The following YME1L1 variants were observed in gnomAD, a reference collection of about 807,000 sequenced individuals.
YME1L1 encodes the protein YME1 like 1 ATPase, also known as ATP-dependent zinc metalloprotease YME1L1.
Under a neutral mutation model 90.4 loss-of-function variants are expected in YME1L1, and 39 were observed. The ratio of observed to expected loss-of-function variants is 0.43; its 90% CI spans 0.33 to 0.56. The LOEUF (loss-of-function observed/expected upper bound fraction) is 0.56, where lower values mean the gene tolerates loss of function less well. Among genes scored for constraint, YME1L1 ranks in the 20% least tolerant of loss-of-function variants. YME1L1 has a pLI of 0.03. For synonymous variants in YME1L1, 284 were observed against 287.3 expected (o/e 0.99, Z 0.12); for missense variants, 617 against 868.4 (o/e 0.71, Z 3.64).
intron 11 of YME1L1, 128 bp from the exon 12 acceptor site, chr10:27,121,576 G>A: frequency 3.0e-6 from 2 of 661,098 alleles, no homozygotes; most frequent in Non-Finnish European, 5.4e-6. Context: ...CTAGGCTGAA[G>A]CGCACCAGTA....
chr10:27,136,227 T>C (rs1163369947), intron 5 of YME1L1, 49 bp downstream of exon 5: 1 of 1,495,744 alleles, frequency 6.7e-7, no homozygotes, highest in South Asian at 1.1e-5. Context: ...CTCCTCACTC[T>C]AACAACTTGA....
chr10:27,115,021 C>T (rs149855613), intron 17 of YME1L1, among the ~76,000 whole-genome samples: 2,641 of 151,634 alleles, frequency 0.017, 141 homozygotes, highest in East Asian at 0.16. Flanking sequence ...AGCGAGACTC[C>T]GTCTCCAAAA....
At chr10:27,121,089 A>G (rs1442253223) in intron 12 of YME1L1, among the ~76,000 whole-genome samples, 1 of 152,234 alleles carries the variant, frequency 6.6e-6, no homozygotes, top group Non-Finnish European at 1.5e-5. Flanking sequence ...CACATAATTT[A>G]AAGTGGATAC....
intron 11 of YME1L1, among the ~76,000 whole-genome samples, chr10:27,122,433 A>T (rs1207745208): frequency 6.6e-6 from 1 of 152,222 alleles, no homozygotes; most frequent in African/African-American, 2.4e-5. Context: ...CTTGCTTCTT[A>T]TATTATGAAC....
At chr10:27,147,128 G>T in intron 2 of YME1L1, 2 of 466,900 alleles carry the variant, frequency 4.3e-6, no homozygotes, top group Non-Finnish European at 7.5e-6. Context: ...AAACTGTGAA[G>T]AGCCATGTTT....
intron 8 of YME1L1, 27 bp from the exon 9 acceptor site, chr10:27,126,813 CT>C: frequency 7.3e-7 from 1 of 1,372,604 alleles, no homozygotes; most frequent in Non-Finnish European, 1.0e-6. Context: ...TTCCAAATAA[CT>C]TTAGATAATG....
At chr10:27,137,023 C>CAAAA (rs35090363) in intron 4 of YME1L1, among the ~76,000 whole-genome samples, 7 of 136,400 alleles carry the variant, frequency 5.1e-5, no homozygotes, top group African/African-American at 1.7e-4. Context: ...ACTGTGATTT[C>CAAAA]AAAAAAAAAA....
rs543060073 is a variant in YME1L1, at chr10:27,153,940, C to A, written c.33+238G>T. Among the ~76,000 whole-genome samples, 22 of 127,126 alleles carry A rather than the reference C, an allele frequency of 1.7e-4. No homozygotes were observed. The East Asian group carries it at 7.4e-3, about 43-fold the overall frequency. The allele number at this position is 127,126 out of a possible 152,430, so 83.4% of individuals were successfully genotyped here. A position where few individuals can be genotyped will look rare whatever the true frequency, so the allele number is the denominator to read the frequency against. On this transcript the variant is annotated intron_variant, in intron 1 of 18. Coordinates refer to ENST00000376016, the MANE Select transcript of YME1L1 (RefSeq NM_014263.4). Reference sequence around the variant, plus strand: ...CGCAATCAGTTCGATAAGCCAGGGTCTCTCTCTATCACTGAGCTCACATCC... The same window carrying A: ...CGCAATCAGTTCGATAAGCCAGGGTATCTCTCTATCACTGAGCTCACATCC...
At position 27,141,889 on chromosome 10, in the gene YME1L1, A is replaced by C. The variant is rs190476493; in HGVS notation, c.430+498T>G. Among the ~76,000 whole-genome samples the C allele has an allele frequency of 1.7e-3, 254 of 152,296 alleles. 4 individuals carry two copies. The highest frequency in any genetic ancestry group is 5.9e-3 in the African/African-American group (244 of 41,562). ...TAGAAAACATGTCTTTTTCATTTACAGTGATCACTATCACCTGACATCTAT... is the reference window on the plus strand; with the variant it reads ...TAGAAAACATGTCTTTTTCATTTACCGTGATCACTATCACCTGACATCTAT... On this transcript the variant is annotated intron_variant, in intron 4 of 18. Transcript: ENST00000376016.
chr10:27,111,895 G>C lies in YME1L1; in HGVS notation c.*82C>G. ...AATTACACCACATCAAGAATGAGGG[G>C]AAAGCGTTGTAAAAGTAGACTACTG... On this transcript the variant is annotated 3_prime_UTR_variant, in exon 19 of 19. Coordinates refer to ENST00000376016, the MANE Select transcript of YME1L1 (RefSeq NM_014263.4). 1 of 1,512,274 alleles carries C rather than the reference G, an allele frequency of 6.6e-7. No homozygotes were observed. Among genetic ancestry groups the C allele is most frequent in the Non-Finnish European group, 9.2e-7 (1 of 1,091,560 alleles). 93.7% of individuals were successfully genotyped at this position (1,512,274 alleles called of 1,614,324 possible).
intron 8 of YME1L1, among the ~76,000 whole-genome samples, chr10:27,127,849 T>C (rs1016596757): frequency 4.6e-5 from 7 of 152,102 alleles, no homozygotes; most frequent in African/African-American, 1.7e-4. Context: ...TAAACTTCAA[T>C]GAAATTTATG....
chr10:27,149,603 T>G (rs866849439), intron 1 of YME1L1, among the ~76,000 whole-genome samples: 11 of 148,806 alleles, frequency 7.4e-5, no homozygotes, highest in Admixed American at 2.1e-4. Context: ...CTCAGCTACT[T>G]GGGAGGCTGT....
In YME1L1 at chr10:27,111,796, A is replaced by G. The variant is rs1253960594; in HGVS notation, c.*181T>C. On this transcript the variant is annotated 3_prime_UTR_variant, in exon 19 of 19. Coordinates refer to ENST00000376016, the MANE Select transcript of YME1L1 (RefSeq NM_014263.4). Reference sequence around the variant, plus strand: ...TATTTGCCATGGGATGCTAATTTGCAATAGGTGTCATAATGAGAATAACCC... The same window carrying G: ...TATTTGCCATGGGATGCTAATTTGCGATAGGTGTCATAATGAGAATAACCC... 4 of 769,254 alleles carry G rather than the reference A, an allele frequency of 5.2e-6. No individual in the cohort carries two copies. The East Asian group carries it at 1.1e-4, about 20-fold the overall frequency. The allele number at this position is 769,254 out of a possible 1,614,324, so 47.7% of individuals were successfully genotyped here.
chr10:27,137,023 CAAA>C (rs35090363), intron 4 of YME1L1, among the ~76,000 whole-genome samples: 1 of 136,400 alleles, frequency 7.3e-6, no homozygotes. Context: ...ACTGTGATTT[CAAA>C]AAAAAAAAAA....
chr10:27,136,640 A>C (rs866848757), intron 4 of YME1L1, among the ~76,000 whole-genome samples: 81 of 152,062 alleles, frequency 5.3e-4, no homozygotes, highest in African/African-American at 1.9e-3. Context: ...TAGGTCTGAG[A>C]ACTTAAATCT....
intron 14 of YME1L1, 32 bp from the exon 15 acceptor site, chr10:27,117,759 T>G (rs910281568): frequency 6.2e-7 from 1 of 1,606,708 alleles, no homozygotes; most frequent in African/African-American, 1.3e-5. Context: ...AAATACTCCA[T>G]TAGAAAGGTA....
chr10:27,135,637 T>C (rs1326586759), intron 5 of YME1L1, among the ~76,000 whole-genome samples: 1 of 152,086 alleles, frequency 6.6e-6, no homozygotes, highest in African/African-American at 2.4e-5. Context: ...AAGACTTCAA[T>C]GCCAAGAGAG....
chr10:27,150,480 T>C lies in YME1L1; in HGVS notation c.34-1440A>G, dbSNP rs188975396. Among the ~76,000 whole-genome samples the C allele has an allele frequency of 3.3e-3, 497 of 152,146 alleles. 2 individuals carry two copies. The highest frequency in any genetic ancestry group is 0.011 in the African/African-American group (472 of 41,520). ...AGGTTAGGCATTCTAAGTTACAGGA[T>C]GAGATAGGGTGTGGGCACAAGATAC... On this transcript the variant is annotated intron_variant, in intron 1 of 18. Coordinates refer to ENST00000376016, the MANE Select transcript of YME1L1 (RefSeq NM_014263.4).
intron 3 of YME1L1, 139 bp downstream of exon 3, chr10:27,145,289 C>CA (rs57762952): frequency 0.073 from 34,714 of 477,988 alleles, 4 homozygotes; most frequent in Middle Eastern, 0.093. Flanking sequence ...TGAAAAATTG[C>CA]AAAAAAAAAA....
Sources: gnomAD v4.1 joint callset for allele counts (sites outside exome capture counted in the v4.1 genomes callset) on GRCh38, gnomAD v4.1.1 for gene constraint, MANE v1.5 for transcripts, NCBI Gene and HGNC (gene_info 2026-07-23, HGNC 2026-07-21) for gene names.